Variants in PTPRD observed in about 807,000 individuals in gnomAD.
PTPRD encodes the protein receptor-type tyrosine-protein phosphatase delta.
In PTPRD, 34 loss-of-function variants were observed where a neutral mutation model predicts 214.5. That is an observed-to-expected ratio of 0.16 (90% confidence interval 0.12 to 0.21). The LOEUF (loss-of-function observed/expected upper bound fraction) is 0.21. Ranked by LOEUF, PTPRD falls within the 10% of genes least tolerant of loss-of-function variation. The pLI is 1.00. For synonymous variants in PTPRD, 1,128 were observed against 845.7 expected, an observed-to-expected ratio of 1.33 and a Z score of -5.79; for missense variants, 2,545 against 2,398.7, an observed-to-expected ratio of 1.06 and a Z score of -1.27.
intron 14 of PTPRD, among the ~76,000 whole-genome samples, chr9:8,560,070 A>T (rs1432316681): frequency 2.0e-5 from 3 of 152,206 alleles, no homozygotes; most frequent in Non-Finnish European, 4.4e-5. Flanking sequence ...GGAGAAGTAA[A>T]TCCAAAACTG....
intron 9 of PTPRD, among the ~76,000 whole-genome samples, chr9:9,327,569 A>C (rs776752761): frequency 1.2e-4 from 18 of 152,182 alleles, no homozygotes; most frequent in Non-Finnish European, 2.5e-4. Flanking sequence ...CATATCCATG[A>C]CAGATAGTAA....
chr9:10,073,495 C>T (rs1474592033), intron 3 of PTPRD, among the ~76,000 whole-genome samples: 6 of 152,046 alleles, frequency 3.9e-5, no homozygotes, highest in Admixed American at 3.9e-4. Flanking sequence ...AAAGAAATAA[C>T]ATTAGGTAAA....
At chr9:8,530,657 A>C (rs2075445606) in intron 14 of PTPRD, among the ~76,000 whole-genome samples, 2 of 152,084 alleles carry the variant, frequency 1.3e-5, no homozygotes, top group South Asian at 2.1e-4. Context: ...CCTAAGTATG[A>C]ATATATATCA....
At chr9:9,319,039 T>A (rs999867457) in intron 9 of PTPRD, among the ~76,000 whole-genome samples, 9 of 152,204 alleles carry the variant, frequency 5.9e-5, no homozygotes, top group African/African-American at 2.2e-4. Context: ...CAGCAGTGAT[T>A]GCTTTCAAGT....
intron 7 of PTPRD, among the ~76,000 whole-genome samples, chr9:9,647,893 G>A (rs1217617446): frequency 6.6e-6 from 1 of 152,176 alleles, no homozygotes; most frequent in African/African-American, 2.4e-5. Context: ...GTTGCTCTGA[G>A]AAACACTTAA....
At chr9:9,087,347 T>C (rs1236116888) in intron 10 of PTPRD, among the ~76,000 whole-genome samples, 1 of 152,160 alleles carries the variant, frequency 6.6e-6, no homozygotes, top group Non-Finnish European at 1.5e-5. Flanking sequence ...AATAAAATTA[T>C]AATTATACCT....
intron 9 of PTPRD, among the ~76,000 whole-genome samples, chr9:9,274,725 A>C (rs1488252549): frequency 6.6e-6 from 1 of 151,104 alleles, no homozygotes; most frequent in Non-Finnish European, 1.5e-5. Context: ...TTGGTGTCTT[A>C]AAATACATAT....
chr9:8,700,791 G>C (rs1194662476), intron 12 of PTPRD: 3 of 152,176 alleles, frequency 2.0e-5, no homozygotes, highest in South Asian at 2.1e-4. Context: ...TAAAACACTA[G>C]TAATATTCAT....
intron 10 of PTPRD, among the ~76,000 whole-genome samples, chr9:9,136,913 G>A (rs138833992): frequency 1.3e-5 from 2 of 152,152 alleles, no homozygotes; most frequent in African/African-American, 2.4e-5. Context: ...TCAACTGGTA[G>A]GGGATTTACT....
intron 2 of PTPRD, among the ~76,000 whole-genome samples, chr9:10,354,277 A>G (rs902777601): frequency 2.6e-5 from 4 of 152,140 alleles, no homozygotes; most frequent in African/African-American, 9.6e-5. Context: ...AATGATAAAC[A>G]TTTGTTGCTA....
intron 6 of PTPRD, among the ~76,000 whole-genome samples, chr9:9,742,082 T>C (rs2098409502): frequency 6.6e-6 from 1 of 152,134 alleles, no homozygotes; most frequent in East Asian, 1.9e-4. Flanking sequence ...ACAGTGTTTT[T>C]AATATTCGCC....
chr9:9,481,191 AAAT>A (rs1208563439), intron 8 of PTPRD, among the ~76,000 whole-genome samples: 1 of 152,104 alleles, frequency 6.6e-6, no homozygotes, highest in Non-Finnish European at 1.5e-5. Context: ...ACACTAAGGA[AAAT>A]AATGAGATAT....
At chr9:9,356,449 A>T (rs2053823385) in intron 9 of PTPRD, among the ~76,000 whole-genome samples, 1 of 151,356 alleles carries the variant, frequency 6.6e-6, no homozygotes, top group Admixed American at 6.6e-5. Context: ...AACCAAGTGA[A>T]ATGCAAACAC....
At chr9:8,424,498 C>T (rs2094539323) in intron 35 of PTPRD, among the ~76,000 whole-genome samples, 3 of 152,064 alleles carry the variant, frequency 2.0e-5, no homozygotes, top group South Asian at 2.1e-4. Flanking sequence ...TAATGCATTC[C>T]GAAGAATGTC....
At position 10,083,773 on chromosome 9, in the gene PTPRD, C is replaced by T. The variant is rs190371135; in HGVS notation, c.-544-49983G>A. Among the ~76,000 whole-genome samples, 9 of 151,970 alleles carry T rather than the reference C, an allele frequency of 5.9e-5. No individual in the cohort carries two copies. In the East Asian group the frequency reaches 1.2e-3, roughly 20 times the overall value. On this transcript the variant is annotated intron_variant, in intron 3 of 45. Coordinates refer to ENST00000381196, the MANE Select transcript of PTPRD (RefSeq NM_002839.4). ...AGGCTTTAGATTCTCATAAGGAGCA[C>T]GCGACCTAGATCCCTCACATGTGCA...
chr9:9,115,695 A>G (rs989908040), intron 10 of PTPRD, among the ~76,000 whole-genome samples: 2 of 152,188 alleles, frequency 1.3e-5, no homozygotes, highest in African/African-American at 4.8e-5. Flanking sequence ...TTATCACAAC[A>G]CAATTCAGTT....
chr9:10,232,461 C>G (rs897132466), intron 3 of PTPRD, among the ~76,000 whole-genome samples: 2 of 151,924 alleles, frequency 1.3e-5, no homozygotes, highest in African/African-American at 4.8e-5. Flanking sequence ...GAAAGTCTGG[C>G]ACTGGAGTAA....
At chr9:9,252,007 C>A (rs192555911) in intron 9 of PTPRD, among the ~76,000 whole-genome samples, 19 of 152,116 alleles carry the variant, frequency 1.2e-4, no homozygotes, top group African/African-American at 4.3e-4. Flanking sequence ...GCTTGCTATC[C>A]TCTCTTTTAG....
chr9:8,581,765 A>AAAGGG (rs912937983), intron 14 of PTPRD, among the ~76,000 whole-genome samples: 14 of 147,944 alleles, frequency 9.5e-5, no homozygotes, highest in South Asian at 2.2e-4. Flanking sequence ...TAAATAAAAG[A>AAAGGG]AAGGGAAGGG....
Sources: gnomAD v4.1 joint callset for allele counts (sites outside exome capture counted in the v4.1 genomes callset) on GRCh38, gnomAD v4.1.1 for gene constraint, MANE v1.5 for transcripts, NCBI Gene and HGNC (gene_info 2026-07-23, HGNC 2026-07-21) for gene names.